Variants in PCDH7 observed in about 807,000 individuals in gnomAD.
The protein encoded by PCDH7 is protocadherin 7.
PCDH7 carries 17 observed loss-of-function variants against 58.9 expected under a neutral mutation model. That is an observed-to-expected ratio of 0.29 (90% CI 0.20 to 0.43). The LOEUF (loss-of-function observed/expected upper bound fraction) is 0.43, where lower values mean the gene tolerates loss of function less well. PCDH7 is among the 20% of genes least tolerant of loss of function. The probability of loss-of-function intolerance (pLI) is 1.00; values close to 1 mark genes in which losing one functional copy is unlikely to be tolerated. For missense variants in PCDH7, 1,274 were observed against 1,441.0 expected (o/e 0.88, Z 1.88); for synonymous variants, 664 against 616.4 (o/e 1.08, Z -1.14).
intron 1 of PCDH7, among the ~76,000 whole-genome samples, chr4:30,860,272 A>C (rs776172708): frequency 6.6e-6 from 1 of 152,144 alleles, no homozygotes; most frequent in Non-Finnish European, 1.5e-5. Context: ...GGGTCTAAAA[A>C]GGAGAGTTTC....
At chr4:30,925,799 A>T (rs911530255) in intron 2 of PCDH7, 3 of 152,330 alleles carry the variant, frequency 2.0e-5, no homozygotes, top group African/African-American at 7.2e-5. Flanking sequence ...AACTCAACTA[A>T]TTAAAATGTG....
chr4:30,730,605 T>G, intron 1 of PCDH7: 1 of 572,636 alleles, frequency 1.7e-6, no homozygotes, highest in Non-Finnish European at 3.1e-6. Context: ...CCAAGTGTAT[T>G]TATTATTTAC....
At chr4:31,143,751 C>T (rs1425252491), downstream of PCDH7, 1 of 152,248 alleles carries the variant, frequency 6.6e-6, no homozygotes, top group South Asian at 2.1e-4. Flanking sequence ...ACGTGGAAAA[C>T]CATTAAACAA....
intron 1 of PCDH7, among the ~76,000 whole-genome samples, chr4:30,852,890 A>G (rs1403536565): frequency 1.3e-5 from 2 of 151,266 alleles, no homozygotes; most frequent in Admixed American, 6.6e-5. Context: ...GGCTTCACTG[A>G]ACAGCAGAGA....
intron 3 of PCDH7, among the ~76,000 whole-genome samples, chr4:30,968,600 T>A (rs933676091): frequency 2.6e-5 from 4 of 151,778 alleles, no homozygotes; most frequent in Non-Finnish European, 5.9e-5. Context: ...TTTGCACAAA[T>A]AACTTTCTAA....
At chr4:30,997,703 C>G (rs1752026570) in intron 3 of PCDH7, among the ~76,000 whole-genome samples, 1 of 152,048 alleles carries the variant, frequency 6.6e-6, no homozygotes, top group South Asian at 2.1e-4. Context: ...TTCTTTAGTA[C>G]AGTTTGGCAT....
chr4:30,734,745 C>T (rs1217373482), downstream of PCDH7, among the ~76,000 whole-genome samples: 1 of 152,152 alleles, frequency 6.6e-6, no homozygotes, highest in African/African-American at 2.4e-5. Flanking sequence ...AGAGGAGGCA[C>T]TCATAAATGC....
intron 3 of PCDH7, among the ~76,000 whole-genome samples, chr4:31,030,123 G>A (rs148126511): frequency 5.3e-5 from 8 of 152,102 alleles, no homozygotes; most frequent in South Asian, 2.1e-4. Context: ...TGTGGGTTGC[G>A]TGTGTATGTT....
intron 1 of PCDH7, among the ~76,000 whole-genome samples, chr4:30,915,391 G>A (rs534104988): frequency 2.0e-5 from 3 of 152,132 alleles, no homozygotes; most frequent in East Asian, 1.9e-4. Flanking sequence ...AATCCAATGG[G>A]CATGTGGTAG....
At chr4:30,724,136 G>A in exon 1 of PCDH7, 2 of 1,613,880 alleles carry the variant, frequency 1.2e-6, no homozygotes, top group Non-Finnish European at 1.7e-6. Context: ...AGGTACTGCA[G>A]GTCCAAAAAT....
intron 3 of PCDH7, among the ~76,000 whole-genome samples, chr4:31,116,583 G>T (rs1343464533): frequency 6.6e-6 from 1 of 152,140 alleles, no homozygotes; most frequent in African/African-American, 2.4e-5. Flanking sequence ...AGATCATAGC[G>T]ACTTTGTTAT....
intron 3 of PCDH7, among the ~76,000 whole-genome samples, chr4:31,028,933 G>T (rs1754668497): frequency 6.6e-6 from 1 of 152,150 alleles, no homozygotes; most frequent in Admixed American, 6.5e-5. Context: ...CTGGTTGTGT[G>T]ACATTGATAT....
chr4:30,722,208 GA>G lies in PCDH7; in HGVS notation c.788del (p.Lys263ArgfsTer14). ...GCGAGAAGCAGCCGCAGCTGATCGTGAAGGGGGCGCTGGACCGCGAGCAGCG... is the reference window on the plus strand; with the variant it reads ...GCGAGAAGCAGCCGCAGCTGATCGTGAGGGGGCGCTGGACCGCGAGCAGCG... On this transcript the variant is annotated frameshift_variant, in exon 1 of 2. Coordinates refer to ENST00000361762, the Ensembl canonical transcript of PCDH7. LOFTEE classifies it high-confidence loss of function. This position sits in a 1 kb window ranked among gnomAD's most constrained non-coding sequence, Gnocchi z 7.6. 6.3e-7 allele frequency: 1 copy of G among 1,585,908 alleles called. No homozygotes were observed. Among genetic ancestry groups the G allele is most frequent in the Non-Finnish European group, 8.6e-7 (1 of 1,166,654 alleles).
intron 1 of PCDH7, among the ~76,000 whole-genome samples, chr4:30,819,966 T>C (rs1728174737): frequency 6.6e-6 from 1 of 152,124 alleles, no homozygotes; most frequent in South Asian, 2.1e-4. Flanking sequence ...GCTCTAAATA[T>C]GTTAATAGAG....
intron 3 of PCDH7, among the ~76,000 whole-genome samples, chr4:31,069,218 C>T (rs1004822881): frequency 6.6e-6 from 1 of 151,968 alleles, no homozygotes; most frequent in African/African-American, 2.4e-5. Flanking sequence ...AACCATAAAG[C>T]AGCCCTATGC....
intron 1 of PCDH7, among the ~76,000 whole-genome samples, chr4:30,908,308 A>T (rs1254840166): frequency 6.6e-6 from 1 of 152,116 alleles, no homozygotes; most frequent in Admixed American, 6.5e-5. Flanking sequence ...AGAGTCCCCT[A>T]TGGAGTACAT....
chr4:31,135,439 G>A (rs1249629631), intron 3 of PCDH7, among the ~76,000 whole-genome samples: 1 of 152,160 alleles, frequency 6.6e-6, no homozygotes, highest in African/African-American at 2.4e-5. Context: ...GCCTAATGTG[G>A]AGTAACCAGG....
chr4:30,764,954 C>T (rs1196307409), intron 1 of PCDH7, among the ~76,000 whole-genome samples: 2 of 151,742 alleles, frequency 1.3e-5, no homozygotes, highest in Non-Finnish European at 2.9e-5. Flanking sequence ...CTCCTGACGT[C>T]GTGATCTGCC....
downstream of PCDH7, among the ~76,000 whole-genome samples, chr4:30,733,256 A>C (rs1056024866): frequency 6.6e-6 from 1 of 152,182 alleles, no homozygotes; most frequent in Non-Finnish European, 1.5e-5. Flanking sequence ...TCTCCATTTC[A>C]AAATCTGAGA....
Sources: allele counts gnomAD v4.1 joint callset (sites outside exome capture counted in the v4.1 genomes callset), GRCh38; gene constraint gnomAD v4.1.1; non-coding constraint Gnocchi (gnomAD v3.1); transcripts MANE v1.5; gene names NCBI Gene and HGNC (gene_info 2026-07-23, HGNC 2026-07-21).